The following LSAMP variants were observed in gnomAD, a reference collection of about 807,000 sequenced individuals.
LSAMP encodes the protein limbic system associated membrane protein, also known as limbic system-associated membrane protein.
A neutral mutation model predicts 38.6 loss-of-function variants in LSAMP; 7 were observed. The observed-to-expected ratio is 0.18, with a 90% CI of 0.10 to 0.34. LSAMP has a LOEUF of 0.34. Ranked by LOEUF, LSAMP falls within the 10% of genes least tolerant of loss-of-function variation. LSAMP has a pLI of 1.00. For missense variants in LSAMP, 313 were observed against 420.0 expected (o/e 0.75, Z 2.23); for synonymous variants, 154 against 166.8 (o/e 0.92, Z 0.59).
intron 1 of LSAMP, among the ~76,000 whole-genome samples, chr3:116,116,145 G>C (rs149399387): frequency 7.7e-4 from 113 of 145,912 alleles, no homozygotes; most frequent in African/African-American, 2.8e-3. Flanking sequence ...CATTTCGTGA[G>C]ACATTTTCTC....
chr3:116,092,097 T>C (rs1206043513), intron 1 of LSAMP, among the ~76,000 whole-genome samples: 1 of 152,146 alleles, frequency 6.6e-6, no homozygotes, highest in African/African-American at 2.4e-5. Context: ...TGTGCATAAA[T>C]ACCATGTGCA....
At chr3:115,851,135 A>G (rs1415608896) in intron 4 of LSAMP, among the ~76,000 whole-genome samples, 1 of 152,014 alleles carries the variant, frequency 6.6e-6, no homozygotes, top group South Asian at 2.1e-4. Context: ...CACCACACCC[A>G]GCTAATTTTT....
chr3:116,145,372 C>T (rs994014940), intron 1 of LSAMP, among the ~76,000 whole-genome samples: 6 of 151,842 alleles, frequency 4.0e-5, no homozygotes, highest in Non-Finnish European at 7.4e-5. Context: ...TATTGACCCA[C>T]ACCATTGTGC....
chr3:116,090,503 A>G (rs1708097848), intron 1 of LSAMP, among the ~76,000 whole-genome samples: 1 of 152,226 alleles, frequency 6.6e-6, no homozygotes, highest in Non-Finnish European at 1.5e-5. Context: ...ATGCCATTAT[A>G]ATATGATAAT....
chr3:115,879,231 T>C (rs541457337), intron 3 of LSAMP, among the ~76,000 whole-genome samples: 2 of 152,082 alleles, frequency 1.3e-5, no homozygotes, highest in Non-Finnish European at 2.9e-5. Context: ...CCCTTTTCTG[T>C]TACCCATGAC....
At chr3:115,859,664 C>G (rs1391851540) in intron 3 of LSAMP, among the ~76,000 whole-genome samples, 3 of 152,202 alleles carry the variant, frequency 2.0e-5, no homozygotes, top group Non-Finnish European at 4.4e-5. Context: ...TCACAACTGG[C>G]TTTGGCTCTA....
At chr3:115,816,437 G>C (rs1296819676) in intron 6 of LSAMP, among the ~76,000 whole-genome samples, 1 of 152,118 alleles carries the variant, frequency 6.6e-6, no homozygotes, top group Non-Finnish European at 1.5e-5. Context: ...TCATGGGTTT[G>C]ATCAGGAACT....
intron 1 of LSAMP, among the ~76,000 whole-genome samples, chr3:116,206,172 T>G (rs1208633393): frequency 6.7e-6 from 1 of 149,432 alleles, no homozygotes; most frequent in Non-Finnish European, 1.5e-5. Context: ...TTCTTCTAGA[T>G]TTTCTAGTTT....
At chr3:116,150,650 C>G (rs187841812) in intron 1 of LSAMP, among the ~76,000 whole-genome samples, 1 of 151,842 alleles carries the variant, frequency 6.6e-6, no homozygotes, top group Non-Finnish European at 1.5e-5. Flanking sequence ...GTAAGTGATG[C>G]GCAGTGATAG....
At chr3:115,991,597 G>A (rs553822869) in intron 3 of LSAMP, among the ~76,000 whole-genome samples, 2 of 152,152 alleles carry the variant, frequency 1.3e-5, no homozygotes, top group Admixed American at 1.3e-4. Context: ...TTAAATCAGA[G>A]TAATCTTACA....
intron 1 of LSAMP, among the ~76,000 whole-genome samples, chr3:116,424,677 C>G (rs1388681364): frequency 1.3e-5 from 2 of 152,130 alleles, no homozygotes; most frequent in African/African-American, 4.8e-5. Flanking sequence ...CATTACTTAC[C>G]CAATAAATTC....
At chr3:116,335,140 A>T (rs941808482) in intron 1 of LSAMP, among the ~76,000 whole-genome samples, 1 of 152,092 alleles carries the variant, frequency 6.6e-6, no homozygotes, top group African/African-American at 2.4e-5. Context: ...AGCATAAAAT[A>T]AAATGCTTAG....
At chr3:115,834,082 A>G (rs1240398659) in intron 6 of LSAMP, among the ~76,000 whole-genome samples, 2 of 152,158 alleles carry the variant, frequency 1.3e-5, no homozygotes, top group South Asian at 2.1e-4. Context: ...AAGAAAAAAT[A>G]ACATCTTTGT....
At chr3:116,115,162 G>A (rs928593853) in intron 1 of LSAMP, among the ~76,000 whole-genome samples, 7 of 152,270 alleles carry the variant, frequency 4.6e-5, no homozygotes, top group African/African-American at 7.2e-5. Flanking sequence ...CTTGAAATAA[G>A]CCAATACATT....
chr3:116,180,708 A>G (rs991001091), intron 1 of LSAMP, among the ~76,000 whole-genome samples: 2 of 152,132 alleles, frequency 1.3e-5, no homozygotes, highest in African/African-American at 2.4e-5. Context: ...ACTGAATTAC[A>G]TCTCTAGTTT....
chr3:116,169,623 C>T (rs1418748762), intron 1 of LSAMP, among the ~76,000 whole-genome samples: 1 of 152,168 alleles, frequency 6.6e-6, no homozygotes, highest in Non-Finnish European at 1.5e-5. Flanking sequence ...CAGAGAAAGC[C>T]ATCACTGTTT....
chr3:116,203,830 TTGC>T (rs1031674379), intron 1 of LSAMP, among the ~76,000 whole-genome samples: 10 of 152,310 alleles, frequency 6.6e-5, no homozygotes, highest in Non-Finnish European at 1.2e-4. Flanking sequence ...TTCCAACTCT[TTGC>T]TATTGTGAAT....
intron 1 of LSAMP, among the ~76,000 whole-genome samples, chr3:116,202,740 A>G (rs1273666879): frequency 6.6e-6 from 1 of 152,060 alleles, no homozygotes; most frequent in East Asian, 1.9e-4. Context: ...TTTTTGGCTC[A>G]TTCCTAAATA....
intron 3 of LSAMP, among the ~76,000 whole-genome samples, chr3:115,885,296 G>T (rs1048135798): frequency 6.6e-6 from 1 of 151,908 alleles, no homozygotes; most frequent in Admixed American, 6.6e-5. Context: ...GCTATTTTGT[G>T]TTAAAGAATT....
Sources: gnomAD v4.1 joint callset for allele counts (sites outside exome capture counted in the v4.1 genomes callset) on GRCh38, gnomAD v4.1.1 for gene constraint, MANE v1.5 for transcripts, NCBI Gene and HGNC (gene_info 2026-07-23, HGNC 2026-07-21) for gene names.